RSF1: variants seen among roughly 807,000 people sequenced by gnomAD.
RSF1 encodes the protein remodeling and spacing factor 1, also known as HBV pX-associated protein 8.
Under a neutral mutation model 145.2 loss-of-function variants are expected in RSF1, and 13 were observed. The ratio of observed to expected loss-of-function variants is 0.09; its 90% CI spans 0.06 to 0.14. The LOEUF (loss-of-function observed/expected upper bound fraction) is 0.14, where lower values mean the gene tolerates loss of function less well. Ranked by LOEUF, RSF1 falls within the 10% of genes least tolerant of loss-of-function variation. RSF1 has a pLI of 1.00. For synonymous variants in RSF1, 577 were observed against 592.6 expected (o/e 0.97, Z 0.38); for missense variants, 1,517 against 1,718.2 (o/e 0.88, Z 2.07).
At chr11:77,766,336 T>G (rs1424750195) in intron 1 of RSF1, among the ~76,000 whole-genome samples, 2 of 152,222 alleles carry the variant, frequency 1.3e-5, no homozygotes, top group African/African-American at 4.8e-5. Flanking sequence ...TCAGTCATTC[T>G]TTCATTCTCT....
chr11:77,690,199 T>G (rs1960117493), intron 9 of RSF1, among the ~76,000 whole-genome samples: 1 of 150,248 alleles, frequency 6.7e-6, no homozygotes, highest in Admixed American at 6.6e-5. Flanking sequence ...CTTCTCCAAC[T>G]GCTTAAGACC....
In RSF1 at chr11:77,805,813, C is replaced by T. The variant is rs1288556906; in HGVS notation, c.187+14715G>A. ...TTACCAGACTTCTGATTGTTTAAAA[C>T]TAGAAAGTCACATATTTTCCCTATA... On this transcript the variant is annotated intron_variant, in intron 1 of 15. Transcript: ENST00000308488. 8.5e-5 allele frequency among the ~76,000 whole-genome samples: 13 copies of T among 152,286 alleles called. No homozygotes were observed. In the East Asian group the frequency reaches 2.5e-3, roughly 29 times the overall value.
Position 77,678,115 on chromosome 11 carries a change from T to G in RSF1, c.3104A>C (p.Glu1035Ala). The change falls in exon 12 of 16, where the codon GAA (glutamate) becomes GCA (alanine). Residue 1035 changes from glutamate (E) to alanine (A), a missense_variant. This residue lies in a region of RSF1 where 231 missense variants were observed against 276.6 expected (regional missense o/e 0.84). Transcript: ENST00000308488. ...EFDEAIDEAIEDDIKEADGGG... is the reference protein window; with the variant it reads ...EFDEAIDEAIADDIKEADGGG... ...TCCATCGGCTTCTTTGATGTCATCT[T>G]CAATAGCTTCATCAATTGCTTCATC... 1 of 1,611,816 alleles carries G rather than the reference T, an allele frequency of 6.2e-7. No homozygotes were observed. The highest frequency in any genetic ancestry group is 8.5e-7 in the Non-Finnish European group (1 of 1,178,918).
intron 10 of RSF1, among the ~76,000 whole-genome samples, chr11:77,684,335 T>C (rs1386916200): frequency 6.6e-6 from 1 of 152,224 alleles, no homozygotes; most frequent in Non-Finnish European, 1.5e-5. Context: ...TATACCCACC[T>C]TAGTTATAAA....
In RSF1 at chr11:77,820,655, G is replaced by C. The variant is rs1302382614; in HGVS notation, c.60C>G (p.Cys20Trp). The change falls in exon 1 of 16, where the codon TGC becomes TGG. Residue 20 changes from cysteine to tryptophan, a missense_variant. Transcript: ENST00000308488. Reference sequence around the variant, plus strand: ...AGGAGCAGACTACGGCGAAGTTGGGGCACGAACCCGGGCAGCCCGGAGGAG... The same window carrying C: ...AGGAGCAGACTACGGCGAAGTTGGGCCACGAACCCGGGCAGCCCGGAGGAG... Reference protein sequence around the residue: ...VMAPPGCPGSCPNFAVVCSFL... With the variant: ...VMAPPGCPGSWPNFAVVCSFL... 1 of 1,559,878 alleles carries C rather than the reference G, an allele frequency of 6.4e-7. No individual in the cohort carries two copies. Among genetic ancestry groups the C allele is most frequent in the South Asian group, 1.2e-5 (1 of 84,736 alleles).
chr11:77,687,890 A>G (rs898645071), intron 9 of RSF1, among the ~76,000 whole-genome samples: 6 of 152,196 alleles, frequency 3.9e-5, no homozygotes, highest in African/African-American at 1.2e-4. Context: ...TGTTGTCAAA[A>G]TTTTTTCATC....
intron 4 of RSF1, among the ~76,000 whole-genome samples, chr11:77,727,406 T>C (rs180942727): frequency 6.6e-6 from 1 of 152,132 alleles, no homozygotes; most frequent in East Asian, 1.9e-4. Flanking sequence ...CCATAACAAT[T>C]TTAAAAAGCT....
At chr11:77,697,191 T>C (rs1044815402) in intron 7 of RSF1, among the ~76,000 whole-genome samples, 1 of 152,022 alleles carries the variant, frequency 6.6e-6, no homozygotes, top group Non-Finnish European at 1.5e-5. Context: ...CATCACATCA[T>C]AATGCTTTGC....
chr11:77,692,928 G>A (rs1960193755), intron 8 of RSF1, among the ~76,000 whole-genome samples: 2 of 152,010 alleles, frequency 1.3e-5, no homozygotes, highest in Admixed American at 6.6e-5. Flanking sequence ...TGCCCATCTC[G>A]GCCTCCCAAA....
the RSF1 span, among the ~76,000 whole-genome samples, chr11:77,826,938 C>G: frequency 6.6e-6 from 1 of 152,104 alleles, no homozygotes; most frequent in Non-Finnish European, 1.5e-5. Context: ...AACACCATCT[C>G]TACTAAAAAT....
intron 2 of RSF1, among the ~76,000 whole-genome samples, chr11:77,754,191 C>G (rs1433117517): frequency 1.3e-5 from 2 of 152,064 alleles, no homozygotes; most frequent in African/African-American, 4.8e-5. Flanking sequence ...AACAGGAAAA[C>G]TAGTAAGAAA....
chr11:77,676,640 T>C (rs149984042), intron 13 of RSF1, 152 bp downstream of exon 13: 17 of 554,660 alleles, frequency 3.1e-5, no homozygotes, highest in African/African-American at 2.3e-4. Flanking sequence ...ATTAGTATTC[T>C]TGAATCTGCT....
chr11:77,732,859 T>C (rs4945204), intron 4 of RSF1, among the ~76,000 whole-genome samples: 27,223 of 152,130 alleles, frequency 0.18, 3,067 homozygotes, highest in African/African-American at 0.3. Context: ...ACTAATACAA[T>C]AGATTTTTAA....
At chr11:77,782,767 T>C (rs909341985) in intron 1 of RSF1, among the ~76,000 whole-genome samples, 2 of 152,254 alleles carry the variant, frequency 1.3e-5, no homozygotes, top group Non-Finnish European at 1.5e-5. Context: ...GTAATTTCTA[T>C]GGCTAATTTT....
intron 1 of RSF1, among the ~76,000 whole-genome samples, chr11:77,774,059 T>C (rs1255749251): frequency 2.6e-5 from 4 of 152,192 alleles, no homozygotes; most frequent in Non-Finnish European, 5.9e-5. Context: ...TAATTATCTT[T>C]AAGTCTCAAT....
Position 77,693,540 on chromosome 11 carries a change from T to C in RSF1, c.2787A>G (p.Pro929=). 6.2e-7 allele frequency: 1 copy of C among 1,613,890 alleles called. No individual in the cohort carries two copies. The highest frequency in any genetic ancestry group is 8.5e-7 in the Non-Finnish European group (1 of 1,179,830). Residue 929 remains proline (P), a synonymous_variant, in exon 8 of 16, where the codon CCA becomes CCG. Transcript: ENST00000308488. ...AAGGTGGGCAGAACCATTCTCCATC[T>C]GGGATGATCATCAGAGGAGGGCGAA... ...ACLRPPLMII[P]DGEWFCPPCQ...
intron 1 of RSF1, among the ~76,000 whole-genome samples, chr11:77,817,386 C>A (rs184077916): frequency 6.6e-6 from 1 of 152,172 alleles, no homozygotes; most frequent in Non-Finnish European, 1.5e-5. Context: ...AATTTTACCA[C>A]AGCAACCGCT....
chr11:77,742,976 C>A (rs2135913317), intron 3 of RSF1, among the ~76,000 whole-genome samples: 1 of 152,262 alleles, frequency 6.6e-6, no homozygotes, highest in Non-Finnish European at 1.5e-5. Context: ...CCAGTTTTCC[C>A]AGCACCATTT....
chr11:77,693,635 A>G, intron 7 of RSF1, 24 bp from the exon 8 acceptor site: 2 of 1,543,872 alleles, frequency 1.3e-6, no homozygotes, highest in Non-Finnish European at 8.9e-7. Flanking sequence ...ACTGATGTCA[A>G]CCTAACTATG....
Sources: gnomAD v4.1 joint callset for allele counts (sites outside exome capture counted in the v4.1 genomes callset) on GRCh38, gnomAD v4.1.1 for gene constraint, gnomAD v4.1.1 regional missense constraint, MANE v1.5 for transcripts, NCBI Gene and HGNC (gene_info 2026-07-23, HGNC 2026-07-21) for gene names.